Variants in SETBP1 observed in about 807,000 individuals in gnomAD.
The protein encoded by SETBP1 is SET binding protein 1.
SETBP1 carries 9 observed loss-of-function variants against 101.0 expected under a neutral mutation model. The observed-to-expected ratio is 0.09, with a 90% CI of 0.05 to 0.16. The LOEUF (loss-of-function observed/expected upper bound fraction) is 0.16, where lower values mean the gene tolerates loss of function less well. SETBP1 is among the 10% of genes least tolerant of loss of function. SETBP1 has a pLI of 1.00. For synonymous variants in SETBP1, 818 were observed against 788.5 expected (o/e 1.04, Z -0.63); for missense variants, 1,858 against 2,033.8 (o/e 0.91, Z 1.66).
chr18:44,799,201 T>C (rs1448606131), intron 2 of SETBP1, among the ~76,000 whole-genome samples: 2 of 152,188 alleles, frequency 1.3e-5, no homozygotes, highest in African/African-American at 2.4e-5. Flanking sequence ...AAAATGGCTG[T>C]GTGTTCCCCA....
chr18:44,906,965 T>C (rs1292913506), intron 3 of SETBP1, among the ~76,000 whole-genome samples: 4 of 152,214 alleles, frequency 2.6e-5, no homozygotes, highest in African/African-American at 9.7e-5. Flanking sequence ...ACTTTCTAAT[T>C]CCAGATCATT....
At chr18:44,701,934 A>G (rs1212802486) in intron 2 of SETBP1, 102 bp downstream of exon 2, 3 of 1,366,274 alleles carry the variant, frequency 2.2e-6, no homozygotes, top group Non-Finnish European at 3.0e-6. Flanking sequence ...TTGACTCTAG[A>G]ACAACGTGGG....
intron 2 of SETBP1, among the ~76,000 whole-genome samples, chr18:44,846,598 C>G (rs2072729876): frequency 6.6e-6 from 1 of 152,150 alleles, no homozygotes; most frequent in South Asian, 2.1e-4. Flanking sequence ...TTAGGCACAG[C>G]CAGAGTTTGA....
chr18:44,902,575 T>C (rs1481538596), intron 3 of SETBP1, among the ~76,000 whole-genome samples: 1 of 152,098 alleles, frequency 6.6e-6, no homozygotes, highest in Non-Finnish European at 1.5e-5. Flanking sequence ...TATGAAAATG[T>C]AAAAAGATAC....
chr18:44,796,512 A>C (rs952449384), intron 2 of SETBP1, among the ~76,000 whole-genome samples: 10 of 152,240 alleles, frequency 6.6e-5, no homozygotes, highest in Admixed American at 2.0e-4. Flanking sequence ...GTGGAGCCCC[A>C]CAATCTGTAT....
At position 44,924,010 on chromosome 18, in the gene SETBP1, G is replaced by A. The variant is rs367713356; in HGVS notation, c.541-25871G>A. On this transcript the variant is annotated intron_variant, in intron 3 of 5. Transcript: ENST00000649279. ...GCCAGGGAGACCCACACTCCAGTCCGTTTTTTTTTCCTTCTCTTGCCAAAT... is the reference window on the plus strand; with the variant it reads ...GCCAGGGAGACCCACACTCCAGTCCATTTTTTTTTCCTTCTCTTGCCAAAT... Among the ~76,000 whole-genome samples, 61 of 150,712 alleles carry A rather than the reference G, an allele frequency of 4.0e-4. 1 individual carries two copies. Among genetic ancestry groups the A allele is most frequent in the East Asian group, 2.5e-3 (13 of 5,158 alleles).
chr18:44,934,254 T>C (rs1007597744), intron 3 of SETBP1, among the ~76,000 whole-genome samples: 6 of 152,056 alleles, frequency 3.9e-5, no homozygotes, highest in African/African-American at 1.4e-4. Context: ...GTTCAAGCGA[T>C]TCTCCTGCCT....
At chr18:44,930,557 A>G (rs560967999) in intron 3 of SETBP1, among the ~76,000 whole-genome samples, 1 of 152,176 alleles carries the variant, frequency 6.6e-6, no homozygotes. Flanking sequence ...CTGTGAATCC[A>G]TCTGGTCCTA....
intron 2 of SETBP1, among the ~76,000 whole-genome samples, chr18:44,703,414 TCAATAAAAC>T (rs1198217016): frequency 7.2e-6 from 1 of 138,724 alleles, no homozygotes; most frequent in Non-Finnish European, 1.5e-5. Context: ...GCAGTTATTT[TCAATAAAAC>T]CACTAGGAAT....
chr18:45,040,174 A>G (rs959047652), intron 5 of SETBP1, among the ~76,000 whole-genome samples: 6 of 152,282 alleles, frequency 3.9e-5, no homozygotes, highest in African/African-American at 9.6e-5. Context: ...TCATCTCTCA[A>G]ATATGATCAT....
Position 44,701,976 on chromosome 18 carries a change from C to A in SETBP1, c.486+144C>A, listed in dbSNP as rs1026042922. On this transcript the variant is annotated intron_variant, in intron 2 of 5. Transcript: ENST00000649279. Reference sequence around the variant, plus strand: ...GATTCAGACCCCTGCACAGTTAAATCTGTGTGTAACTTTTGACTTCCCCCA... The same window carrying A: ...GATTCAGACCCCTGCACAGTTAAATATGTGTGTAACTTTTGACTTCCCCCA... The A allele has an allele frequency of 1.6e-5, 15 of 932,568 alleles. No individual in the cohort carries two copies. In the African/African-American group the frequency reaches 2.3e-4, roughly 15 times the overall value. 57.8% of individuals were successfully genotyped at this position (932,568 alleles called of 1,614,324 possible). A position where few individuals can be genotyped will look rare whatever the true frequency, so the allele number is the denominator to read the frequency against.
intron 4 of SETBP1, among the ~76,000 whole-genome samples, chr18:44,995,472 G>A (rs1474774766): frequency 1.3e-5 from 2 of 151,678 alleles, no homozygotes; most frequent in South Asian, 2.1e-4. Context: ...CATTTTAAAT[G>A]TGAATATGCA....
intron 5 of SETBP1, among the ~76,000 whole-genome samples, chr18:45,050,612 C>T (rs912368328): frequency 6.6e-6 from 1 of 152,126 alleles, no homozygotes; most frequent in Admixed American, 6.5e-5. Flanking sequence ...GTTAGTGCTA[C>T]CAATGGATAG....
At chr18:44,708,811 T>A (rs915326630) in intron 2 of SETBP1, among the ~76,000 whole-genome samples, 24 of 152,266 alleles carry the variant, frequency 1.6e-4, no homozygotes, top group African/African-American at 5.5e-4. Context: ...TCTGAGGTCT[T>A]GTTTCTGTTC....
chr18:44,858,822 G>C (rs2073024573), intron 2 of SETBP1, among the ~76,000 whole-genome samples: 1 of 151,854 alleles, frequency 6.6e-6, no homozygotes, highest in Non-Finnish European at 1.5e-5. Flanking sequence ...GGCTTACTTG[G>C]GATTTTCTAC....
At chr18:44,698,521 C>T (rs1294392127) in intron 1 of SETBP1, among the ~76,000 whole-genome samples, 1 of 152,170 alleles carries the variant, frequency 6.6e-6, no homozygotes, top group Non-Finnish European at 1.5e-5. Flanking sequence ...TAATCCTGCA[C>T]ACGCCTGCCC....
At chr18:44,909,281 G>T (rs1465776706) in intron 3 of SETBP1, among the ~76,000 whole-genome samples, 1 of 152,200 alleles carries the variant, frequency 6.6e-6, no homozygotes, top group African/African-American at 2.4e-5. Context: ...GCAAGGCCGA[G>T]GAGAAAATGT....
chr18:45,044,288 G>A (rs2073566442), intron 5 of SETBP1, among the ~76,000 whole-genome samples: 1 of 152,146 alleles, frequency 6.6e-6, no homozygotes, highest in East Asian at 1.9e-4. Flanking sequence ...AAGATCCAGA[G>A]CAAACAAAGC....
intron 3 of SETBP1, among the ~76,000 whole-genome samples, chr18:44,902,791 G>A (rs1037547441): frequency 9.9e-5 from 15 of 151,904 alleles, no homozygotes; most frequent in Non-Finnish European, 1.5e-5. Flanking sequence ...TTATGTTATT[G>A]GGATTATTAG....
Sources: gnomAD v4.1 joint callset for allele counts (sites outside exome capture counted in the v4.1 genomes callset) on GRCh38, gnomAD v4.1.1 for gene constraint, MANE v1.5 for transcripts, NCBI Gene and HGNC (gene_info 2026-07-23, HGNC 2026-07-21) for gene names.